Variants in MYO7B observed in about 807,000 individuals in gnomAD.
The protein encoded by MYO7B is unconventional myosin-VIIb.
A neutral mutation model predicts 259.7 loss-of-function variants in MYO7B; 212 were observed. The observed-to-expected ratio is 0.82, with a 90% CI of 0.73 to 0.91. The LOEUF is 0.91. Ranked by LOEUF, MYO7B falls within the 40% of genes least tolerant of loss-of-function variation. The pLI, the probability that MYO7B is intolerant of heterozygous loss-of-function variation, is 0.00. For synonymous variants in MYO7B, 1,197 were observed against 1,166.4 expected, an observed-to-expected ratio of 1.03 and a Z score of -0.54; for missense variants, 2,732 against 2,813.5, an observed-to-expected ratio of 0.97 and a Z score of 0.66.
At chr2:127,605,407 T>G (rs1680125125) in intron 19 of MYO7B, among the ~76,000 whole-genome samples, 1 of 152,084 alleles carries the variant, frequency 6.6e-6, no homozygotes, top group Non-Finnish European at 1.5e-5. Context: ...ACCAAACTGG[T>G]CAACGTGGTG....
chr2:127,565,353 C>T lies in MYO7B; in HGVS notation c.253C>T (p.Leu85Phe), dbSNP rs1558802672. 1.2e-6 allele frequency: 2 copies of T among 1,614,062 alleles called. No homozygotes were observed. Among genetic ancestry groups the T allele is most frequent in the Non-Finnish European group, 8.5e-7 (1 of 1,179,890 alleles). The change falls in exon 4 of 48, where the codon CTC (leucine) becomes TTC (phenylalanine). Residue 85 changes from leucine to phenylalanine, a missense_variant. Physicochemically the swap from Leu to Phe is conservative, Grantham distance 22 (BLOSUM62 0). Coordinates refer to ENST00000409816, the MANE Select transcript of MYO7B (RefSeq NM_001393586.1). The part of the protein sequence containing the change: ...DLNEAGMVHN[L>F]LIRYQQHKIY... ...GAACGAGGCAGGCATGGTGCACAAC[C>T]TCCTGATCCGCTACCAGCAGCACAA...
chr2:127,620,987 C>T (rs936916051), intron 27 of MYO7B, among the ~76,000 whole-genome samples: 1 of 152,212 alleles, frequency 6.6e-6, no homozygotes, highest in Non-Finnish European at 1.5e-5. Flanking sequence ...AGCTAACTTC[C>T]GTTAATATTT....
intron 8 of MYO7B, 22 bp from the exon 9 acceptor site, chr2:127,578,111 A>C: frequency 6.2e-7 from 1 of 1,612,354 alleles, no homozygotes; most frequent in Non-Finnish European, 8.5e-7. Context: ...GGCCCCATTC[A>C]CTGAGGCACC....
Position 127,551,825 on chromosome 2 carries a change from G to T in MYO7B, c.-23-7875G>T, listed in dbSNP as rs931620965. On this transcript the variant is annotated intron_variant, in intron 1 of 47. Coordinates refer to ENST00000409816, the MANE Select transcript of MYO7B (RefSeq NM_001393586.1). ...AGTGAAAGAGGTCAAGGTGTTCTGC[G>T]GAGTGGGTGGTGGAAAGGAGCTTTG... is the stretch of plus-strand genomic sequence containing the variant. 1.7e-4 allele frequency among the ~76,000 whole-genome samples: 26 copies of T among 152,164 alleles called. 1 individual carries two copies. Among genetic ancestry groups the T allele is most frequent in the African/African-American group, 6.0e-4 (25 of 41,430 alleles).
Position 127,565,318 on chromosome 2 carries a change from T to C in MYO7B, c.218T>C (p.Leu73Pro), listed in dbSNP as rs1678286102. 6.2e-7 allele frequency: 1 copy of C among 1,614,030 alleles called. No individual in the cohort carries two copies. The change falls in exon 4 of 48, where the codon CTG (leucine) becomes CCG (proline). Residue 73 changes from leucine to proline, a missense_variant. Physicochemically the swap from Leu to Pro is moderately conservative, Grantham distance 98. This residue lies in a region of MYO7B where 1,906 missense variants were observed against 2,026.4 expected (regional missense o/e 0.94). Coordinates refer to ENST00000409816, the MANE Select transcript of MYO7B (RefSeq NM_001393586.1). ...CAGGGTGTGGACGACATGATCCGCC[T>C]GGGGGACCTGAACGAGGCAGGCATG... Reference protein sequence around the residue: ...SVQGVDDMIRLGDLNEAGMVH... With the variant: ...SVQGVDDMIRPGDLNEAGMVH...
chr2:127,587,943 C>T (rs1679365584), intron 14 of MYO7B, among the ~76,000 whole-genome samples: 1 of 152,144 alleles, frequency 6.6e-6, no homozygotes. Flanking sequence ...ACTTTAATCC[C>T]CTCCTTAAAG....
chr2:127,573,765 C>T (rs1326368939), intron 6 of MYO7B, among the ~76,000 whole-genome samples, 155 bp from the exon 7 acceptor site: 1 of 152,234 alleles, frequency 6.6e-6, no homozygotes, highest in East Asian at 1.9e-4. Context: ...TTCCTCTTAG[C>T]GGGCGCTTGG....
chr2:127,631,399 A>G, intron 37 of MYO7B, 36 bp downstream of exon 37: 2 of 1,585,352 alleles, frequency 1.3e-6, no homozygotes, highest in Non-Finnish European at 1.7e-6. Context: ...CACCTCGTCA[A>G]TGCCAGGGCA....
In MYO7B at chr2:127,578,417, A is replaced by C. The variant is rs1678966831; in HGVS notation, c.1003+131A>C. On this transcript the variant is annotated intron_variant, in intron 9 of 47. Transcript: ENST00000409816. ...ACCCAGGCCTGGAAAAATATATCTA[A>C]AAAATTCAGCTGTGATTTTGGAGGC... 21 of 1,207,930 alleles carry C rather than the reference A, an allele frequency of 1.7e-5. No homozygotes were observed. In the South Asian group the frequency reaches 2.7e-4, roughly 16 times the overall value. The allele number at this position is 1,207,930 out of a possible 1,614,324, so 74.8% of individuals were successfully genotyped here. A position where few individuals can be genotyped will look rare whatever the true frequency, so the allele number is the denominator to read the frequency against.
In MYO7B at chr2:127,636,813, C is replaced by T. The variant is rs1345462133; in HGVS notation, c.6227C>T (p.Pro2076Leu). The change falls in exon 47 of 48, where the codon CCC becomes CTC. Residue 2076 changes from proline to leucine, a missense_variant. Coordinates refer to ENST00000409816, the MANE Select transcript of MYO7B (RefSeq NM_001393586.1). The surrounding 1 kb of genome is among the most constrained non-coding windows in gnomAD (Gnocchi z 4.5). Reference sequence around the variant, plus strand: ...CCCCAGGACCTGCTCACCACCTATCCCTTCACCAAGATCTCCAGCTGGAGC... The same window carrying T: ...CCCCAGGACCTGCTCACCACCTATCTCTTCACCAAGATCTCCAGCTGGAGC... ...PKTKDLLTTY[P>L]FTKISSWSSG... is the part of the protein sequence containing the mutation. 7 of 1,613,518 alleles carry T rather than the reference C, an allele frequency of 4.3e-6. No homozygotes were observed. The highest frequency in any genetic ancestry group is 5.9e-6 in the Non-Finnish European group (7 of 1,179,804).
rs181212132 is a variant in MYO7B at position 127,617,468 on chromosome 2, C to A, written c.3399-2872C>A. Reference sequence around the variant, plus strand: ...TTTTTAAAGCACTGACCTTATGCTGCCAGCAGACTTGTAACGGGGTTTTTT... The same window carrying A: ...TTTTTAAAGCACTGACCTTATGCTGACAGCAGACTTGTAACGGGGTTTTTT... On this transcript the variant is annotated intron_variant, in intron 26 of 47. Transcript: ENST00000409816. 2.3e-4 allele frequency among the ~76,000 whole-genome samples: 35 copies of A among 150,074 alleles called. 1 individual carries two copies. The East Asian group carries it at 6.8e-3, about 29-fold the overall frequency.
Position 127,625,554 on chromosome 2 carries a change from C to G in MYO7B, c.4215+19C>G, listed in dbSNP as rs142453608. On this transcript the variant is annotated intron_variant, in intron 31 of 47. Transcript: ENST00000409816. ...CGCCAAGGTCAGCCTGCATGCAGCT[C>G]AGGCACCCACCCGAGGGCTCTCCTT... The G allele has an allele frequency of 1.9e-6, 3 of 1,574,262 alleles. No individual in the cohort carries two copies. The highest frequency in any genetic ancestry group is 2.6e-6 in the Non-Finnish European group (3 of 1,158,226).
intron 8 of MYO7B, 85 bp from the exon 9 acceptor site, chr2:127,578,048 G>C (rs1678947645): frequency 6.5e-7 from 1 of 1,530,202 alleles, no homozygotes; most frequent in Non-Finnish European, 8.9e-7. Flanking sequence ...TGCCTATGAA[G>C]TGCAGTGTCT....
At position 127,580,895 on chromosome 2, in the gene MYO7B, C is replaced by T. The variant is rs181255698; in HGVS notation, c.1080+73C>T. The T allele has an allele frequency of 2.8e-6, 4 of 1,411,368 alleles. No individual in the cohort carries two copies. The African/African-American group carries it at 5.7e-5, about 20-fold the overall frequency. 87.4% of individuals were successfully genotyped at this position (1,411,368 alleles called of 1,614,324 possible). On this transcript the variant is annotated intron_variant, in intron 10 of 47. Transcript: ENST00000409816. ...GGCCTGGGCTGACAGACCCCTGACA[C>T]CTGATTCTTATAACCCTACCCAGGC... is the stretch of plus-strand genomic sequence containing the variant.
intron 2 of MYO7B, 60 bp from the exon 3 acceptor site, chr2:127,564,093 T>A: frequency 8.1e-7 from 1 of 1,232,040 alleles, no homozygotes; most frequent in Non-Finnish European, 1.1e-6. Flanking sequence ...GAAGTAAGTA[T>A]CCAGCAGGGA....
At chr2:127,624,417 T>G (rs1573710267) in intron 30 of MYO7B, 97 bp downstream of exon 30, 1 of 1,032,720 alleles carries the variant, frequency 9.7e-7, no homozygotes, top group Non-Finnish European at 1.4e-6. Context: ...AGGTAGAAGG[T>G]GGGGGGGCAG....
rs955045728 is a variant in MYO7B at position 127,586,946 on chromosome 2, C to T, written c.1691-1446C>T. 6.6e-6 allele frequency among the ~76,000 whole-genome samples: 1 copy of T among 152,090 alleles called. No individual in the cohort carries two copies. Among genetic ancestry groups the T allele is most frequent in the African/African-American group, 2.4e-5 (1 of 41,422 alleles). On this transcript the variant is annotated intron_variant, in intron 14 of 47. Coordinates refer to ENST00000409816, the MANE Select transcript of MYO7B (RefSeq NM_001393586.1). This position sits in a 1 kb window ranked among gnomAD's most constrained non-coding sequence, Gnocchi z 4.8. ...TGTCACCGAGTGTCCACCCCCTGCCCAGCACCCAGTGCAGCCCCCCTGGTG... is the reference window on the plus strand; with the variant it reads ...TGTCACCGAGTGTCCACCCCCTGCCTAGCACCCAGTGCAGCCCCCCTGGTG...
At chr2:127,564,294 C>G (rs1452830353) in intron 3 of MYO7B, 28 bp downstream of exon 3, 1 of 1,503,246 alleles carries the variant, frequency 6.7e-7, no homozygotes, top group African/African-American at 1.4e-5. Context: ...TCCTCTGGGC[C>G]CTGCCCTGCC....
intron 19 of MYO7B, among the ~76,000 whole-genome samples, chr2:127,603,145 A>C (rs1418879699): frequency 6.6e-6 from 1 of 152,224 alleles, no homozygotes; most frequent in Non-Finnish European, 1.5e-5. Context: ...CTGAAGTCTT[A>C]ACCCCTCAAA....
Sources: gnomAD v4.1 joint callset for allele counts (sites outside exome capture counted in the v4.1 genomes callset) on GRCh38, gnomAD v4.1.1 for gene constraint, gnomAD v4.1.1 regional missense constraint, Gnocchi (gnomAD v3.1) non-coding constraint, MANE v1.5 for transcripts, NCBI Gene and HGNC (gene_info 2026-07-23, HGNC 2026-07-21) for gene names.